The following CLHC1 variants were observed in gnomAD, a reference collection of about 807,000 sequenced individuals.
CLHC1 encodes clathrin heavy chain linker domain-containing protein 1.
Under a neutral mutation model 69.5 loss-of-function variants are expected in CLHC1, and 72 were observed. That is an observed-to-expected ratio of 1.04 (90% CI 0.86 to 1.26). CLHC1 has a LOEUF of 1.26. Ranked by LOEUF, CLHC1 falls within the 50% of genes most tolerant of loss-of-function variation. CLHC1 has a pLI of 0.00. For missense variants in CLHC1, 790 were observed against 679.3 expected (o/e 1.16, Z -1.81); for synonymous variants, 223 against 224.3 (o/e 0.99, Z 0.05).
chr2:55,177,484 T>G, intron 12 of CLHC1, 118 bp downstream of exon 12: 1 of 575,520 alleles, frequency 1.7e-6, no homozygotes, highest in Non-Finnish European at 2.9e-6. Context: ...ACTCCTAAAG[T>G]TAACTCTTGC....
intron 1 of CLHC1, 37 bp from the exon 2 acceptor site, chr2:55,228,241 C>T (rs1226271652): frequency 1.3e-5 from 2 of 152,260 alleles, no homozygotes; most frequent in Non-Finnish European, 2.9e-5. Flanking sequence ...AAAATGTTCT[C>T]TTTCCCCATC....
chr2:55,229,800 A>G (rs1394615924), intron 1 of CLHC1, among the ~76,000 whole-genome samples: 1 of 152,238 alleles, frequency 6.6e-6, no homozygotes, highest in Non-Finnish European at 1.5e-5. Context: ...TTGGCCAGGC[A>G]TGGTGGCTCA....
intron 10 of CLHC1, among the ~76,000 whole-genome samples, chr2:55,181,083 C>T (rs139022396): frequency 2.6e-5 from 4 of 152,086 alleles, no homozygotes; most frequent in African/African-American, 7.2e-5. Flanking sequence ...CTGGTTCACA[C>T]GATTCTCCTG....
intron 1 of CLHC1, among the ~76,000 whole-genome samples, chr2:55,231,471 T>C (rs549756257): frequency 6.6e-6 from 1 of 152,242 alleles, no homozygotes; most frequent in Admixed American, 6.5e-5. Context: ...ATAACACACA[T>C]TTACCTTTCA....
chr2:55,176,697 T>C (rs1474764441), intron 12 of CLHC1, among the ~76,000 whole-genome samples: 1 of 152,208 alleles, frequency 6.6e-6, no homozygotes, highest in African/African-American at 2.4e-5. Context: ...GTCATCACTA[T>C]AATTTTATTT....
intron 9 of CLHC1, among the ~76,000 whole-genome samples, chr2:55,205,320 G>A (rs920479661): frequency 2.0e-5 from 3 of 151,912 alleles, no homozygotes; most frequent in Non-Finnish European, 4.4e-5. Flanking sequence ...CATTCATTAT[G>A]TTTATCACAG....
chr2:55,196,884 A>G (rs1671477325), intron 9 of CLHC1, among the ~76,000 whole-genome samples: 1 of 152,226 alleles, frequency 6.6e-6, no homozygotes, highest in African/African-American at 2.4e-5. Flanking sequence ...AAGAGCACCA[A>G]GCAGGCTATT....
chr2:55,224,647 G>C (rs949017832), intron 2 of CLHC1: 1 of 234,152 alleles, frequency 4.3e-6, no homozygotes. Context: ...GGGAGTGTCT[G>C]AGGCGCATGG....
At position 55,222,257 on chromosome 2, in the gene CLHC1, A is replaced by G. The variant is rs1450512872; in HGVS notation, c.155T>C (p.Ile52Thr). ...EEGPADEYYIIYRNVFDKVIE... is the reference protein window; with the variant it reads ...EEGPADEYYITYRNVFDKVIE... ...TACCTTATCAAAAACATTTCGGTAT[A>G]TGATGTAATATTCATCAGCAGGTCC... Residue 52 changes from isoleucine (I) to threonine (T), a missense_variant, in exon 3 of 13, where the codon ATA becomes ACA. Transcript: ENST00000401408. 1.2e-6 allele frequency: 2 copies of G among 1,612,658 alleles called. No homozygotes were observed. Among genetic ancestry groups the G allele is most frequent in the African/African-American group, 1.3e-5 (1 of 75,014 alleles).
intron 9 of CLHC1, 59 bp downstream of exon 9, chr2:55,206,211 T>A (rs1036890110): frequency 1.0e-6 from 1 of 991,186 alleles, no homozygotes; most frequent in Admixed American, 2.1e-5. Context: ...TTTTCTATTT[T>A]ATGAGAGAAA....
chr2:55,200,261 T>A (rs147098249), intron 9 of CLHC1, among the ~76,000 whole-genome samples: 97 of 103,716 alleles, frequency 9.4e-4, no homozygotes, highest in Non-Finnish European at 1.1e-3. Context: ...GCTGAGTAGA[T>A]AAAAAAAAAA....
At chr2:55,226,165 C>G (rs951079976) in intron 2 of CLHC1, among the ~76,000 whole-genome samples, 2 of 149,820 alleles carry the variant, frequency 1.3e-5, no homozygotes, top group African/African-American at 4.9e-5. Context: ...GCACTCCAGC[C>G]TGGGCAACTG....
At chr2:55,215,691 G>A (rs548557607) in intron 4 of CLHC1, among the ~76,000 whole-genome samples, 9 of 152,172 alleles carry the variant, frequency 5.9e-5, no homozygotes, top group Admixed American at 5.2e-4. Flanking sequence ...CAGGTGGAGC[G>A]ATCTTGGGCT....
rs761172801 is a variant in CLHC1, at chr2:55,209,796, G to C, written c.535C>G (p.Leu179Val). 1.9e-6 allele frequency: 3 copies of C among 1,610,092 alleles called. No homozygotes were observed. The Admixed American group carries it at 5.0e-5, about 27-fold the overall frequency. The part of the protein sequence containing the change: ...TLQESMNLDA[L>V]TKYMKHLEDK... ...TCAAGATGTTTCATGTATTTAGTGA[G>C]AGCATCTAGATTCATGGATTCTTGA... The change falls in exon 6 of 13, where the codon CTC becomes GTC. Residue 179 changes from leucine to valine, a missense_variant. Transcript: ENST00000401408.
intron 9 of CLHC1, among the ~76,000 whole-genome samples, chr2:55,189,611 T>C (rs1573626520): frequency 6.6e-6 from 1 of 152,202 alleles, no homozygotes. Context: ...GACACGGAGC[T>C]GGAAGTCTGG....
At chr2:55,198,853 C>A (rs1357557732) in intron 9 of CLHC1, among the ~76,000 whole-genome samples, 1 of 151,918 alleles carries the variant, frequency 6.6e-6, no homozygotes, top group Non-Finnish European at 1.5e-5. Context: ...GAGAGAGTGG[C>A]AGGACATGTT....
At chr2:55,207,048 G>C (rs545398922) in intron 8 of CLHC1, 1 of 152,204 alleles carries the variant, frequency 6.6e-6, no homozygotes, top group Admixed American at 6.6e-5. Context: ...CCGGGAGGCA[G>C]AGGTTGCAGT....
chr2:55,190,479 GTTA>G (rs1032078931), intron 9 of CLHC1, among the ~76,000 whole-genome samples: 3 of 152,256 alleles, frequency 2.0e-5, no homozygotes, highest in South Asian at 2.1e-4. Flanking sequence ...GATATTAAAA[GTTA>G]TTATAACTGT....
At chr2:55,217,552 AATATATATATATATAT>A (rs781577612) in intron 4 of CLHC1, among the ~76,000 whole-genome samples, 1,548 of 43,130 alleles carry the variant, frequency 0.036, 57 homozygotes, top group Admixed American at 0.093. Flanking sequence ...AAAAAAAAAA[AATATATATATATATAT>A]ATATATATAT....
Sources: allele counts gnomAD v4.1 joint callset (sites outside exome capture counted in the v4.1 genomes callset), GRCh38; gene constraint gnomAD v4.1.1; transcripts MANE v1.5; gene names NCBI Gene and HGNC (gene_info 2026-07-23, HGNC 2026-07-21).